TRMT1L: variants seen among roughly 807,000 people sequenced by gnomAD.
TRMT1L encodes the protein tRNA methyltransferase 1L.
In TRMT1L, 28 loss-of-function variants were observed where a neutral mutation model predicts 81.6. The observed-to-expected ratio is 0.34, with a 90% CI of 0.25 to 0.47. The LOEUF (loss-of-function observed/expected upper bound fraction) is 0.47. Ranked by LOEUF, TRMT1L falls within the 20% of genes least tolerant of loss-of-function variation. The probability of loss-of-function intolerance (pLI) is 1.00; values close to 1 mark genes in which losing one functional copy is unlikely to be tolerated. For missense variants in TRMT1L, 739 were observed against 877.1 expected (o/e 0.84, Z 1.99); for synonymous variants, 301 against 303.2 (o/e 0.99, Z 0.07).
chr1:185,128,935 CAT>C (rs1015073201), intron 10 of TRMT1L, among the ~76,000 whole-genome samples, 188 bp from the exon 11 acceptor site: 2 of 152,136 alleles, frequency 1.3e-5, no homozygotes, highest in African/African-American at 2.4e-5. Flanking sequence ...TGTATACACA[CAT>C]ATATGTGCAC....
rs141484759 is a variant in TRMT1L at position 185,151,029 on chromosome 1, G to A, written c.347-537C>T. On this transcript the variant is annotated intron_variant, in intron 2 of 14. Coordinates refer to ENST00000367506, the MANE Select transcript of TRMT1L (RefSeq NM_030934.5). Reference sequence around the variant, plus strand: ...GACGGGGCGCATAGTTACAGCCACCGTATCCATTACTGAATTTACAAGTTC... The same window carrying A: ...GACGGGGCGCATAGTTACAGCCACCATATCCATTACTGAATTTACAAGTTC... Among the ~76,000 whole-genome samples the A allele has an allele frequency of 6.6e-3, 1,008 of 152,230 alleles. 21 individuals are homozygous for A. Among genetic ancestry groups the A allele is most frequent in the African/African-American group, 0.023 (968 of 41,534 alleles).
At chr1:185,135,719 T>G (rs1003428916) in intron 10 of TRMT1L, among the ~76,000 whole-genome samples, 1 of 151,940 alleles carries the variant, frequency 6.6e-6, no homozygotes, top group Admixed American at 6.6e-5. Flanking sequence ...TCCTAAGAAT[T>G]GAAAAAAGGG....
chr1:185,133,920 G>C (rs550281022), intron 10 of TRMT1L, among the ~76,000 whole-genome samples: 1 of 152,060 alleles, frequency 6.6e-6, no homozygotes, highest in African/African-American at 2.4e-5. Context: ...TAAAATTTGC[G>C]AACAATATTT....
intron 7 of TRMT1L, among the ~76,000 whole-genome samples, chr1:185,142,183 T>C (rs1437883007): frequency 6.6e-6 from 1 of 152,198 alleles, no homozygotes; most frequent in Non-Finnish European, 1.5e-5. Flanking sequence ...GAGATGGTAC[T>C]AATGCTGATC....
At position 185,132,068 on chromosome 1, in the gene TRMT1L, G is replaced by A. The variant is rs576155579; in HGVS notation, c.1514-3321C>T. On this transcript the variant is annotated intron_variant, in intron 10 of 14. Transcript: ENST00000367506. Reference sequence around the variant, plus strand: ...AGGCAGGAGAATTGCTTGAACCTGGGAGGCAGAGGTTGCAGTGAGCCAAGA... The same window carrying A: ...AGGCAGGAGAATTGCTTGAACCTGGAAGGCAGAGGTTGCAGTGAGCCAAGA... 2.1e-3 allele frequency among the ~76,000 whole-genome samples: 318 copies of A among 152,156 alleles called. 3 individuals are homozygous for A. The highest frequency in any genetic ancestry group is 4.3e-3 in the Admixed American group (66 of 15,274).
At chr1:185,150,524 G>T (rs1404235528) in intron 2 of TRMT1L, 32 bp from the exon 3 acceptor site, 1 of 1,472,006 alleles carries the variant, frequency 6.8e-7, no homozygotes, top group African/African-American at 1.4e-5. Context: ...ATAAACAACA[G>T]AATATTCTAG....
Position 185,123,894 on chromosome 1 carries a change from A to T in TRMT1L, c.1785T>A (p.Thr595=). 1 of 1,510,452 alleles carries T rather than the reference A, an allele frequency of 6.6e-7. No individual in the cohort carries two copies. The allele number at this position is 1,510,452 out of a possible 1,614,324, so 93.6% of individuals were successfully genotyped here. Reference sequence around the variant, plus strand: ...AATTATCTGTTGTGGTGTCATCTGTAGTTTTAATAAATACACCATTTTCTT... The same window carrying T: ...AATTATCTGTTGTGGTGTCATCTGTTGTTTTAATAAATACACCATTTTCTT... ...KQEENGVFIK[T]TDDTTTDNYI... is the part of the protein sequence containing the mutation. The change falls in exon 13 of 15, where the codon ACT becomes ACA. Residue 595 remains threonine, a synonymous_variant. Transcript: ENST00000367506.
intron 11 of TRMT1L, among the ~76,000 whole-genome samples, chr1:185,126,782 G>A (rs770884773): frequency 6.6e-5 from 10 of 152,098 alleles, no homozygotes; most frequent in Non-Finnish European, 1.3e-4. Context: ...GAGGTGGGTG[G>A]AGTCAGGAGT....
At chr1:185,134,316 T>G (rs1571347358) in intron 10 of TRMT1L, among the ~76,000 whole-genome samples, 1 of 152,176 alleles carries the variant, frequency 6.6e-6, no homozygotes, top group East Asian at 1.9e-4. Context: ...CTCAGCCTCC[T>G]GAGTAGCTGG....
chr1:185,141,872 C>T (rs948201054), intron 7 of TRMT1L, among the ~76,000 whole-genome samples: 1 of 152,086 alleles, frequency 6.6e-6, no homozygotes, highest in Non-Finnish European at 1.5e-5. Context: ...TGTGGTGCTT[C>T]AGAGGAATAG....
intron 2 of TRMT1L, among the ~76,000 whole-genome samples, chr1:185,151,086 T>C (rs991559776): frequency 1.3e-5 from 2 of 152,192 alleles, no homozygotes; most frequent in African/African-American, 4.8e-5. Context: ...CTCAAAAAGA[T>C]TATGTATCAT....
At chr1:185,155,578 GA>G (rs944736448) in intron 1 of TRMT1L, among the ~76,000 whole-genome samples, 2 of 152,030 alleles carry the variant, frequency 1.3e-5, no homozygotes, top group Non-Finnish European at 2.9e-5. Flanking sequence ...CCTAGAAGTA[GA>G]AAAAATAATG....
Position 185,120,134 on chromosome 1 carries a change from T to G in TRMT1L, c.2087A>C (p.Tyr696Ser). 1 of 1,613,992 alleles carries G rather than the reference T, an allele frequency of 6.2e-7. No homozygotes were observed. The highest frequency in any genetic ancestry group is 8.5e-7 in the Non-Finnish European group (1 of 1,179,902). ...ATGGCTTTCTGACTGTCCTCCAGTGTAGGTGGGGGTGCTGTACTTTAAAAG... is the reference window on the plus strand; with the variant it reads ...ATGGCTTTCTGACTGTCCTCCAGTGGAGGTGGGGGTGCTGTACTTTAAAAG... ...SILLKYSTPT[Y>S]TGGQSESHVQ... The change falls in exon 15 of 15, where the codon TAC becomes TCC. Residue 696 changes from tyrosine to serine, a missense_variant. Tyr to Ser is a moderately radical substitution (Grantham distance 144, BLOSUM62 -2). Transcript: ENST00000367506.
intron 13 of TRMT1L, among the ~76,000 whole-genome samples, chr1:185,122,218 A>G (rs965421894): frequency 1.3e-5 from 2 of 152,110 alleles, no homozygotes; most frequent in Non-Finnish European, 2.9e-5. Flanking sequence ...TGTCTTTGCT[A>G]CTGTGAATAG....
intron 3 of TRMT1L, among the ~76,000 whole-genome samples, 193 bp from the exon 4 acceptor site, chr1:185,147,439 A>G (rs1032414825): frequency 2.6e-5 from 4 of 152,184 alleles, no homozygotes; most frequent in African/African-American, 9.6e-5. Flanking sequence ...ATACATATGT[A>G]TATGTTATCT....
chr1:185,156,896 G>A lies in TRMT1L; in HGVS notation c.-184C>T. 2.4e-6 allele frequency: 2 copies of A among 817,068 alleles called. No homozygotes were observed. Among genetic ancestry groups the A allele is most frequent in the Non-Finnish European group, 3.6e-6 (2 of 554,698 alleles). 50.6% of individuals were successfully genotyped at this position (817,068 alleles called of 1,614,324 possible). A position where few individuals can be genotyped will look rare whatever the true frequency, so the allele number is the denominator to read the frequency against. ...GACCAAATCCTGTTAGTAGAAAACA[G>A]AAAGCCAGAGGCAGCGATTCCAGAT... On this transcript the variant is annotated 5_prime_UTR_variant, in exon 1 of 15. Transcript: ENST00000367506.
chr1:185,131,048 C>T (rs939449087), intron 10 of TRMT1L, among the ~76,000 whole-genome samples: 1 of 151,758 alleles, frequency 6.6e-6, no homozygotes, highest in Non-Finnish European at 1.5e-5. Flanking sequence ...TGCCTAGGCT[C>T]AAGTGCAGTG....
At chr1:185,149,084 A>G (rs1270211943) in intron 3 of TRMT1L, among the ~76,000 whole-genome samples, 2 of 152,098 alleles carry the variant, frequency 1.3e-5, no homozygotes, top group African/African-American at 2.4e-5. Context: ...CTTCCCTATA[A>G]ATTGCTGTTT....
chr1:185,137,233 A>G (rs1652922660), intron 10 of TRMT1L, among the ~76,000 whole-genome samples: 1 of 152,210 alleles, frequency 6.6e-6, no homozygotes, highest in Non-Finnish European at 1.5e-5. Context: ...AATGCATTTT[A>G]TAACTGATGG....
Sources: gnomAD v4.1 joint callset for allele counts (sites outside exome capture counted in the v4.1 genomes callset) on GRCh38, gnomAD v4.1.1 for gene constraint, MANE v1.5 for transcripts, NCBI Gene and HGNC (gene_info 2026-07-23, HGNC 2026-07-21) for gene names.